CABLES1: variants seen among roughly 807,000 people sequenced by gnomAD.
CABLES1 encodes the protein CDK5 and ABL1 enzyme substrate 1.
A neutral mutation model predicts 57.8 loss-of-function variants in CABLES1; 36 were observed. The observed-to-expected ratio is 0.62, with a 90% CI of 0.48 to 0.82. The LOEUF (loss-of-function observed/expected upper bound fraction) is 0.82, where lower values mean the gene tolerates loss of function less well. Ranked by LOEUF, CABLES1 falls within the 40% of genes least tolerant of loss-of-function variation. The probability of loss-of-function intolerance (pLI) is 0.00; values close to 1 mark genes in which losing one functional copy is unlikely to be tolerated. For synonymous variants in CABLES1, 374 were observed against 363.0 expected (o/e 1.03, Z -0.35); for missense variants, 767 against 836.6 (o/e 0.92, Z 1.03).
Position 23,136,269 on chromosome 18 carries a change from C to A in CABLES1, c.507C>A (p.Pro169=). The change falls in exon 1 of 10, where the codon CCC becomes CCA. Residue 169 remains proline, a synonymous_variant. Coordinates refer to ENST00000256925, the MANE Select transcript of CABLES1 (RefSeq NM_001100619.3). ...GGGTGGCGCGGGGGTTCGCGAGTCC[C>A]CTGGGCGCCGGCCGGGCGTCGGGGG... ...GPGVARGFAS[P]LGAGRASGEQ... is the part of the protein sequence containing the mutation. 1.5e-6 allele frequency: 2 copies of A among 1,358,818 alleles called. No homozygotes were observed. Among genetic ancestry groups the A allele is most frequent in the South Asian group, 1.9e-5 (1 of 52,604 alleles). The allele number at this position is 1,358,818 out of a possible 1,614,324, so 84.2% of individuals were successfully genotyped here.
chr18:23,222,482 G>A (rs997086127), intron 4 of CABLES1, among the ~76,000 whole-genome samples: 4 of 150,594 alleles, frequency 2.7e-5, no homozygotes, highest in African/African-American at 4.9e-5. Flanking sequence ...TGAAACTTTC[G>A]AGAATTGCTA....
In CABLES1 at chr18:23,169,944, C is replaced by T. The variant is rs114117014; in HGVS notation, c.846-18894C>T. Among the ~76,000 whole-genome samples the T allele has an allele frequency of 2.7e-3, 417 of 152,244 alleles. 1 individual carries two copies. Among genetic ancestry groups the T allele is most frequent in the African/African-American group, 9.7e-3 (404 of 41,548 alleles). On this transcript the variant is annotated intron_variant, in intron 1 of 9. Transcript: ENST00000256925. ...ATGGGCAGCCGGAGGGCAGGTGGCTCATGCTTGCCTGGACTTGGTGGGAGC... is the reference window on the plus strand; with the variant it reads ...ATGGGCAGCCGGAGGGCAGGTGGCTTATGCTTGCCTGGACTTGGTGGGAGC...
intron 1 of CABLES1, among the ~76,000 whole-genome samples, chr18:23,172,351 A>G (rs2047088895): frequency 1.3e-5 from 2 of 152,264 alleles, no homozygotes; most frequent in Non-Finnish European, 1.5e-5. Flanking sequence ...TCTTGGGATC[A>G]TACACTCTGT....
chr18:23,176,740 A>G (rs1169490234), intron 1 of CABLES1, among the ~76,000 whole-genome samples: 1 of 152,214 alleles, frequency 6.6e-6, no homozygotes, highest in African/African-American at 2.4e-5. Flanking sequence ...CTAGAAAATA[A>G]GGATTCACAA....
Position 23,246,676 on chromosome 18 carries a change from C to T in CABLES1, c.1447-6284C>T, listed in dbSNP as rs1024155836. ...AAAGTGCTGGGATTATATGCTTGAG[C>T]CACCGCACCCGGCCAGTTTTTTCGT... On this transcript the variant is annotated intron_variant, in intron 7 of 9. Coordinates refer to ENST00000256925, the MANE Select transcript of CABLES1 (RefSeq NM_001100619.3). Among the ~76,000 whole-genome samples, 6 of 151,616 alleles carry T rather than the reference C, an allele frequency of 4.0e-5. 1 individual carries two copies. Among genetic ancestry groups the T allele is most frequent in the African/African-American group, 7.3e-5 (3 of 41,036 alleles).
In CABLES1 at chr18:23,213,320, C is replaced by T. The variant is rs2047417982; in HGVS notation, c.1011-657C>T. On this transcript the variant is annotated intron_variant, in intron 3 of 9. Transcript: ENST00000256925. ...GCAGTTCCCTTTGGCAAAAGTTATT[C>T]TCAGATGCCAGGATAAGTGCTTTTG... 2.6e-5 allele frequency among the ~76,000 whole-genome samples: 4 copies of T among 152,274 alleles called. No individual in the cohort carries two copies. The South Asian group carries it at 8.3e-4, about 32-fold the overall frequency.
At chr18:23,229,269 G>A (rs759097399) in intron 4 of CABLES1, among the ~76,000 whole-genome samples, 16 of 152,132 alleles carry the variant, frequency 1.1e-4, no homozygotes, top group South Asian at 2.1e-4. Context: ...AAAATTACCC[G>A]GGTGTGGTGG....
intron 1 of CABLES1, among the ~76,000 whole-genome samples, chr18:23,161,966 GAC>G (rs1263960291): frequency 6.6e-6 from 1 of 151,594 alleles, no homozygotes; most frequent in African/African-American, 2.4e-5. Flanking sequence ...AAGAGTTTGA[GAC>G]CAGCCTGACC....
chr18:23,161,677 G>A (rs983371240), intron 1 of CABLES1, among the ~76,000 whole-genome samples: 15 of 150,644 alleles, frequency 1.0e-4, no homozygotes, highest in South Asian at 2.1e-4. Flanking sequence ...TTGGGAGGCC[G>A]AGGAGGGTGG....
chr18:23,136,080 T>A lies in CABLES1; in HGVS notation c.318T>A (p.Thr106=). 6.0e-6 allele frequency: 7 copies of A among 1,169,480 alleles called. No individual in the cohort carries two copies. Among genetic ancestry groups the A allele is most frequent in the Non-Finnish European group, 7.4e-6 (7 of 949,350 alleles). 72.4% of individuals were successfully genotyped at this position (1,169,480 alleles called of 1,614,324 possible). A position where few individuals can be genotyped will look rare whatever the true frequency, so the allele number is the denominator to read the frequency against. Residue 106 remains threonine, a synonymous_variant, in exon 1 of 10, where the codon ACT becomes ACA. Transcript: ENST00000256925. The part of the protein sequence containing the change: ...PGAGGACGAR[T]RFSLLAAAER... ...CCGGCGGCGCCTGCGGCGCGAGGAC[T>A]CGGTTCAGCTTGCTCGCCGCTGCCG...
chr18:23,218,241 T>G (rs542384290), intron 4 of CABLES1, among the ~76,000 whole-genome samples: 1 of 152,042 alleles, frequency 6.6e-6, no homozygotes, highest in East Asian at 1.9e-4. Context: ...CACTCAAGCT[T>G]CCCAGCCCTG....
At chr18:23,244,236 GATAA>G (rs2047818267) in intron 7 of CABLES1, among the ~76,000 whole-genome samples, 1 of 152,222 alleles carries the variant, frequency 6.6e-6, no homozygotes, top group Non-Finnish European at 1.5e-5. Context: ...TGTAGCACCA[GATAA>G]ATAGTTGACA....
chr18:23,191,677 A>C (rs2047243945), intron 2 of CABLES1, among the ~76,000 whole-genome samples: 1 of 152,228 alleles, frequency 6.6e-6, no homozygotes, highest in African/African-American at 2.4e-5. Context: ...CTAATCTTTC[A>C]TTAAATTAGT....
intron 3 of CABLES1, among the ~76,000 whole-genome samples, chr18:23,204,841 T>C (rs1466282918): frequency 6.6e-6 from 1 of 152,210 alleles, no homozygotes; most frequent in African/African-American, 2.4e-5. Flanking sequence ...TTCACTACCA[T>C]GAGAACAGTA....
intron 1 of CABLES1, among the ~76,000 whole-genome samples, chr18:23,153,980 G>A (rs755501562): frequency 4.0e-5 from 6 of 151,502 alleles, no homozygotes; most frequent in East Asian, 3.9e-4. Flanking sequence ...CCAGTGACCC[G>A]AAGTCACACC....
At chr18:23,250,394 G>A (rs1028725729) in intron 7 of CABLES1, among the ~76,000 whole-genome samples, 2 of 152,222 alleles carry the variant, frequency 1.3e-5, no homozygotes, top group African/African-American at 4.8e-5. Flanking sequence ...TTGGGAAACA[G>A]GAGGGTTGGC....
At chr18:23,166,946 G>C (rs1271928150) in intron 1 of CABLES1, among the ~76,000 whole-genome samples, 2 of 152,122 alleles carry the variant, frequency 1.3e-5, no homozygotes, top group Non-Finnish European at 2.9e-5. Flanking sequence ...GCTGAAGGTT[G>C]TAACAGAGGA....
chr18:23,213,792 C>T (rs1049072225), intron 3 of CABLES1, among the ~76,000 whole-genome samples, 185 bp from the exon 4 acceptor site: 69 of 152,180 alleles, frequency 4.5e-4, no homozygotes, highest in African/African-American at 1.7e-3. Flanking sequence ...GAGAGGCAGC[C>T]CACTTCTGCC....
At chr18:23,160,123 C>T (rs188297409) in intron 1 of CABLES1, among the ~76,000 whole-genome samples, 196 of 151,732 alleles carry the variant, frequency 1.3e-3, no homozygotes, top group African/African-American at 4.5e-3. Context: ...CTGCAACCTC[C>T]GCCTCCCAGG....
Sources: allele counts gnomAD v4.1 joint callset (sites outside exome capture counted in the v4.1 genomes callset), GRCh38; gene constraint gnomAD v4.1.1; transcripts MANE v1.5; gene names NCBI Gene and HGNC (gene_info 2026-07-23, HGNC 2026-07-21).